Variants in DLGAP2 observed in about 807,000 individuals in gnomAD.
DLGAP2 encodes the protein disks large-associated protein 2.
Under a neutral mutation model 100.3 loss-of-function variants are expected in DLGAP2, and 26 were observed. That is an observed-to-expected ratio of 0.26 (90% CI 0.19 to 0.36). DLGAP2 has a LOEUF of 0.36. DLGAP2 is among the 10% of genes least tolerant of loss of function. The pLI is 1.00. For missense variants in DLGAP2, 1,858 were observed against 1,453.2 expected (o/e 1.28, Z -4.53); for synonymous variants, 886 against 630.1 (o/e 1.41, Z -6.08).
At chr8:1,138,435 C>G (rs946984339) in intron 2 of DLGAP2, among the ~76,000 whole-genome samples, 7 of 152,238 alleles carry the variant, frequency 4.6e-5, no homozygotes, top group Non-Finnish European at 7.3e-5. Context: ...CCTGTGCTTT[C>G]TGATCTGCCT....
At chr8:1,464,808 G>T (rs1044189817) in intron 3 of DLGAP2, among the ~76,000 whole-genome samples, 1 of 152,204 alleles carries the variant, frequency 6.6e-6, no homozygotes, top group Non-Finnish European at 1.5e-5. Flanking sequence ...GAGGCCATCA[G>T]ATTGCAGCAG....
At chr8:936,624 C>T (rs1799078037) in intron 2 of DLGAP2, among the ~76,000 whole-genome samples, 1 of 152,162 alleles carries the variant, frequency 6.6e-6, no homozygotes, top group Admixed American at 6.6e-5. Context: ...GAACTCGGTG[C>T]AGGAGTCTGA....
intron 8 of DLGAP2, among the ~76,000 whole-genome samples, chr8:1,648,298 A>G (rs766975808): frequency 6.6e-5 from 10 of 152,210 alleles, no homozygotes; most frequent in Admixed American, 5.2e-4. Context: ...TCTGAGGACA[A>G]TACTTACTCA....
At chr8:1,306,544 C>A (rs924453248) in intron 3 of DLGAP2, among the ~76,000 whole-genome samples, 1 of 151,982 alleles carries the variant, frequency 6.6e-6, no homozygotes, top group Admixed American at 6.6e-5. Context: ...AAAATCCACC[C>A]TAAAATTTAT....
chr8:1,252,609 T>A (rs1799071691), intron 2 of DLGAP2, among the ~76,000 whole-genome samples: 1 of 152,282 alleles, frequency 6.6e-6, no homozygotes, highest in South Asian at 2.1e-4. Flanking sequence ...ATTGCTTGCA[T>A]GAGTGAGTGC....
At chr8:967,015 C>G (rs1224092022) in intron 2 of DLGAP2, among the ~76,000 whole-genome samples, 1 of 152,230 alleles carries the variant, frequency 6.6e-6, no homozygotes, top group Non-Finnish European at 1.5e-5. Flanking sequence ...GATGCTCCAT[C>G]ACATGTGTCA....
intron 6 of DLGAP2, among the ~76,000 whole-genome samples, chr8:1,613,678 T>A (rs1405212505): frequency 6.6e-6 from 1 of 152,218 alleles, no homozygotes; most frequent in Non-Finnish European, 1.5e-5. Context: ...TAACTCATTT[T>A]CTAAATTAAC....
At chr8:1,269,108 G>C (rs1330783697) in intron 3 of DLGAP2, among the ~76,000 whole-genome samples, 4 of 152,142 alleles carry the variant, frequency 2.6e-5, no homozygotes, top group Non-Finnish European at 5.9e-5. Context: ...CTAAGCAACT[G>C]TACATTGGCT....
At chr8:1,551,067 G>C (rs1249202180) in intron 5 of DLGAP2, among the ~76,000 whole-genome samples, 1 of 152,250 alleles carries the variant, frequency 6.6e-6, no homozygotes, top group Non-Finnish European at 1.5e-5. Flanking sequence ...TCACCATCAG[G>C]TCCAGCGTCC....
chr8:1,179,128 T>A (rs756605281), intron 2 of DLGAP2, among the ~76,000 whole-genome samples: 1 of 152,250 alleles, frequency 6.6e-6, no homozygotes, highest in Non-Finnish European at 1.5e-5. Context: ...GATACCAAAG[T>A]GCCTGGAGTG....
chr8:1,242,692 G>A (rs115829356), intron 2 of DLGAP2, among the ~76,000 whole-genome samples: 2,148 of 152,274 alleles, frequency 0.014, 38 homozygotes, highest in African/African-American at 0.035. Context: ...AATGGTAAGG[G>A]ACCCACAGTG....
At chr8:1,360,105 G>A (rs148136527) in intron 3 of DLGAP2, among the ~76,000 whole-genome samples, 2,402 of 152,156 alleles carry the variant, frequency 0.016, 25 homozygotes, top group South Asian at 0.037. Flanking sequence ...TGTGGGGTTC[G>A]GAGGAGAGCG....
At position 1,095,373 on chromosome 8, in the gene DLGAP2, C is replaced by T. The variant is rs140511403; in HGVS notation, c.74-163478C>T. On this transcript the variant is annotated intron_variant, in intron 2 of 14. Coordinates refer to ENST00000637795, the MANE Select transcript of DLGAP2 (RefSeq NM_001346810.2). ...ACACGAGGCTGGTCCCACCCCTGTCCGCAGCAGACCCCAAGCTCACCCTCG... is the reference window on the plus strand; with the variant it reads ...ACACGAGGCTGGTCCCACCCCTGTCTGCAGCAGACCCCAAGCTCACCCTCG... Among the ~76,000 whole-genome samples the T allele has an allele frequency of 1.5e-3, 233 of 152,290 alleles. 1 individual carries two copies. Among genetic ancestry groups the T allele is most frequent in the African/African-American group, 5.1e-3 (212 of 41,550 alleles).
intron 3 of DLGAP2, among the ~76,000 whole-genome samples, chr8:1,266,709 T>C (rs1268215685): frequency 6.6e-6 from 1 of 152,084 alleles, no homozygotes; most frequent in Non-Finnish European, 1.5e-5. Context: ...AAAAGCATGA[T>C]ACAGTGAGGG....
intron 2 of DLGAP2, among the ~76,000 whole-genome samples, chr8:1,120,821 G>A (rs1348823755): frequency 3.4e-5 from 5 of 148,334 alleles, no homozygotes; most frequent in Non-Finnish European, 4.5e-5. Flanking sequence ...TCCCATCCTC[G>A]TCCAGTTAGA....
intron 2 of DLGAP2, among the ~76,000 whole-genome samples, chr8:1,183,481 C>T (rs954760927): frequency 6.6e-6 from 1 of 152,172 alleles, no homozygotes; most frequent in Non-Finnish European, 1.5e-5. Context: ...CAAATGTTTA[C>T]TTGTCAGGAA....
At chr8:1,379,907 G>A (rs1186451108) in intron 3 of DLGAP2, among the ~76,000 whole-genome samples, 3 of 148,724 alleles carry the variant, frequency 2.0e-5, no homozygotes, top group South Asian at 4.6e-4. Flanking sequence ...CCTCCTGCTC[G>A]GTGGGGGCCT....
At chr8:1,212,282 G>A (rs542400072) in intron 2 of DLGAP2, among the ~76,000 whole-genome samples, 33 of 152,312 alleles carry the variant, frequency 2.2e-4, no homozygotes, top group African/African-American at 5.5e-4. Context: ...TGGACTTGGA[G>A]CTGCTTTCAG....
intron 2 of DLGAP2, among the ~76,000 whole-genome samples, chr8:1,027,960 C>T (rs1438232992): frequency 1.4e-5 from 2 of 143,642 alleles, no homozygotes; most frequent in Admixed American, 7.0e-5. Context: ...GCCAGGCGCT[C>T]GTTATTCTCT....
Sources: gnomAD v4.1 joint callset for allele counts (sites outside exome capture counted in the v4.1 genomes callset) on GRCh38, gnomAD v4.1.1 for gene constraint, MANE v1.5 for transcripts, NCBI Gene and HGNC (gene_info 2026-07-23, HGNC 2026-07-21) for gene names.